INPP4B: variants seen among roughly 807,000 people sequenced by gnomAD.
The protein encoded by INPP4B is inositol polyphosphate-4-phosphatase type II B, also known as inositol polyphosphate 4-phosphatase type II.
Under a neutral mutation model 122.5 loss-of-function variants are expected in INPP4B, and 55 were observed. That is an observed-to-expected ratio of 0.45 (90% confidence interval 0.36 to 0.56). INPP4B has a LOEUF of 0.56. Among genes scored for constraint, INPP4B ranks in the 20% least tolerant of loss-of-function variants. The pLI is 0.00. For synonymous variants in INPP4B, 403 were observed against 388.7 expected (o/e 1.04, Z -0.43); for missense variants, 1,000 against 1,097.7 (o/e 0.91, Z 1.26).
intron 2 of INPP4B, among the ~76,000 whole-genome samples, chr4:142,538,924 G>C (rs1042013276): frequency 6.6e-6 from 1 of 151,674 alleles, no homozygotes; most frequent in Non-Finnish European, 1.5e-5. Flanking sequence ...TAAAATTAGT[G>C]ACAATGGTGA....
At chr4:142,727,368 G>A (rs1765466576) in intron 1 of INPP4B, among the ~76,000 whole-genome samples, 1 of 152,144 alleles carries the variant, frequency 6.6e-6, no homozygotes, top group Non-Finnish European at 1.5e-5. Flanking sequence ...CACCTGGTGA[G>A]CCCCTACTGC....
chr4:142,116,005 T>G (rs1323232111), intron 21 of INPP4B, among the ~76,000 whole-genome samples: 2 of 152,034 alleles, frequency 1.3e-5, no homozygotes, highest in African/African-American at 4.8e-5. Context: ...AGGCAGGGGT[T>G]GCAATCCTAG....
chr4:142,047,807 A>C (rs746063908), intron 25 of INPP4B, among the ~76,000 whole-genome samples: 10 of 151,884 alleles, frequency 6.6e-5, no homozygotes, highest in Admixed American at 1.3e-4. Context: ...AAATCTCTCT[A>C]TTTCCCAGCA....
chr4:142,539,466 A>G (rs1221831351), intron 2 of INPP4B, among the ~76,000 whole-genome samples: 1 of 152,090 alleles, frequency 6.6e-6, no homozygotes, highest in Non-Finnish European at 1.5e-5. Context: ...ACATGGTTCA[A>G]TCTAAATATT....
At chr4:142,662,110 C>G (rs1304350847) in intron 2 of INPP4B, among the ~76,000 whole-genome samples, 1 of 152,082 alleles carries the variant, frequency 6.6e-6, no homozygotes, top group Non-Finnish European at 1.5e-5. Context: ...TGGCAGGCAC[C>G]TGTAGTCCCA....
chr4:142,210,619 T>A (rs1844484380), intron 12 of INPP4B, among the ~76,000 whole-genome samples: 2 of 152,176 alleles, frequency 1.3e-5, no homozygotes. Context: ...TCTAGAAGAA[T>A]CTGAGCAATT....
intron 25 of INPP4B, among the ~76,000 whole-genome samples, chr4:142,047,317 T>A (rs1344846995): frequency 6.6e-6 from 1 of 152,116 alleles, no homozygotes; most frequent in Non-Finnish European, 1.5e-5. Context: ...TTGTTGCACA[T>A]CAGTCAGAAA....
At chr4:142,036,529 G>A (rs1334531449) in intron 25 of INPP4B, among the ~76,000 whole-genome samples, 3 of 152,148 alleles carry the variant, frequency 2.0e-5, no homozygotes, top group South Asian at 4.1e-4. Flanking sequence ...TCTTAGAATG[G>A]TCCTTATTCC....
At chr4:142,743,149 T>G (rs1375497600) in intron 1 of INPP4B, among the ~76,000 whole-genome samples, 1 of 151,836 alleles carries the variant, frequency 6.6e-6, no homozygotes, top group Non-Finnish European at 1.5e-5. Flanking sequence ...CAAAATATAT[T>G]GGGAAAATAT....
chr4:142,408,911 G>T (rs1804009781), intron 5 of INPP4B, among the ~76,000 whole-genome samples: 2 of 152,070 alleles, frequency 1.3e-5, no homozygotes, highest in Admixed American at 6.5e-5. Flanking sequence ...TAGTGTGCTT[G>T]TATCCAGTGT....
chr4:142,760,880 G>T (rs1426627878), intron 1 of INPP4B, among the ~76,000 whole-genome samples: 1 of 152,060 alleles, frequency 6.6e-6, no homozygotes, highest in African/African-American at 2.4e-5. Flanking sequence ...CATTTTAGAT[G>T]ACAAGTTATT....
chr4:142,471,647 C>T (rs1026273170), intron 2 of INPP4B, among the ~76,000 whole-genome samples: 1 of 152,178 alleles, frequency 6.6e-6, no homozygotes, highest in African/African-American at 2.4e-5. Context: ...GAGGTTCTGC[C>T]CTGAGGCCCA....
chr4:142,457,935 A>G (rs552770313), intron 3 of INPP4B, among the ~76,000 whole-genome samples: 1 of 152,324 alleles, frequency 6.6e-6, no homozygotes, highest in African/African-American at 2.4e-5. Context: ...ACACACCTAC[A>G]GTATGACTCA....
At chr4:142,340,227 A>T (rs1778198600) in intron 7 of INPP4B, among the ~76,000 whole-genome samples, 1 of 152,112 alleles carries the variant, frequency 6.6e-6, no homozygotes, top group Non-Finnish European at 1.5e-5. Flanking sequence ...AGGTGGCCTA[A>T]TTTCCACATG....
Position 142,147,447 on chromosome 4 carries a change from G to A in INPP4B, c.1564-1451C>T, listed in dbSNP as rs191305697. Among the ~76,000 whole-genome samples, 7 of 152,262 alleles carry A rather than the reference G, an allele frequency of 4.6e-5. No homozygotes were observed. The East Asian group carries it at 9.7e-4, about 21-fold the overall frequency. ...TTTAAAGAAAAGCAGAACATTCAAAGTTAGCACAGGTAATTTTGGATCCTT... is the reference window on the plus strand; with the variant it reads ...TTTAAAGAAAAGCAGAACATTCAAAATTAGCACAGGTAATTTTGGATCCTT... On this transcript the variant is annotated intron_variant, in intron 17 of 25. Coordinates refer to ENST00000262992, the MANE Select transcript of INPP4B (RefSeq NM_001101669.3).
rs374253787 is a variant in INPP4B at position 142,571,089 on chromosome 4, CAAAAAAAA to C, written c.-190-108371_-190-108364del. On this transcript the variant is annotated intron_variant, in intron 2 of 25. Coordinates refer to ENST00000262992, the MANE Select transcript of INPP4B (RefSeq NM_001101669.3). ...CCTCACTCAGTCTTTTCATGTTTCTCAAAAAAAAAAAAAAAAAAAAGAGCATGGAGTGG... is the reference window on the plus strand; with the variant it reads ...CCTCACTCAGTCTTTTCATGTTTCTCAAAAAAAAAAAAGAGCATGGAGTGG... Among the ~76,000 whole-genome samples, 3 of 84,254 alleles carry C rather than the reference CAAAAAAAA, an allele frequency of 3.6e-5. No homozygotes were observed. In the Admixed American group the frequency reaches 4.1e-4, roughly 12 times the overall value. The allele number at this position is 84,254 out of a possible 152,430, so 55.3% of individuals were successfully genotyped here.
intron 1 of INPP4B, among the ~76,000 whole-genome samples, chr4:142,844,452 C>A (rs999593153): frequency 7.2e-5 from 11 of 152,212 alleles, no homozygotes; most frequent in Admixed American, 7.2e-4. Context: ...TAAGGAAATA[C>A]ACTGAAAAAG....
chr4:142,569,344 G>A (rs1398746360), intron 2 of INPP4B, among the ~76,000 whole-genome samples: 1 of 148,268 alleles, frequency 6.7e-6, no homozygotes, highest in Non-Finnish European at 1.5e-5. Flanking sequence ...GTTGAAATAT[G>A]TTTCTACCCC....
chr4:142,418,436 G>C (rs1243231511), intron 5 of INPP4B, among the ~76,000 whole-genome samples: 1 of 151,984 alleles, frequency 6.6e-6, no homozygotes, highest in Non-Finnish European at 1.5e-5. Context: ...TCACAGCATT[G>C]AACAAGAAAA....
Sources: allele counts gnomAD v4.1 joint callset (sites outside exome capture counted in the v4.1 genomes callset), GRCh38; gene constraint gnomAD v4.1.1; transcripts MANE v1.5; gene names NCBI Gene and HGNC (gene_info 2026-07-23, HGNC 2026-07-21).